TRIM5: variants seen among roughly 807,000 people sequenced by gnomAD.
TRIM5 encodes tripartite motif containing 5.
Under a neutral mutation model 35.6 loss-of-function variants are expected in TRIM5, and 31 were observed. That is an observed-to-expected ratio of 0.87 (90% CI 0.65 to 1.18). TRIM5 has a LOEUF of 1.18. TRIM5 is among the 50% of genes most tolerant of loss of function. TRIM5 has a pLI of 0.00. For synonymous variants in TRIM5, 243 were observed against 215.6 expected (o/e 1.13, Z -1.11); for missense variants, 609 against 591.6 (o/e 1.03, Z -0.31).
the TRIM5 span, among the ~76,000 whole-genome samples, chr11:5,592,914 C>CAAAAAAAAAAAAAAA: frequency 6.0e-5 from 4 of 67,140 alleles, no homozygotes; most frequent in African/African-American, 1.3e-4. Context: ...GAGATTGTCT[C>CAAAAAAAAAAAAAAA]AAAAAAAAAA....
At chr11:5,639,117 C>G in the TRIM5 span, among the ~76,000 whole-genome samples, 9 of 152,116 alleles carry the variant, frequency 5.9e-5, no homozygotes, top group African/African-American at 2.2e-4. Context: ...TTCGATCAGA[C>G]TTTAAGGTAT....
chr11:5,657,458 T>G, the TRIM5 span, among the ~76,000 whole-genome samples: 1 of 142,612 alleles, frequency 7.0e-6, no homozygotes, highest in East Asian at 2.0e-4. Context: ...TTAAAGTGTA[T>G]ATATATATAA....
At chr11:5,649,812 T>G in the TRIM5 span, among the ~76,000 whole-genome samples, 1 of 152,124 alleles carries the variant, frequency 6.6e-6, no homozygotes, top group Non-Finnish European at 1.5e-5. Flanking sequence ...ATCCTAGTCA[T>G]GGGAAAAATA....
At chr11:5,645,761 C>A in the TRIM5 span, 1 of 211,964 alleles carries the variant, frequency 4.7e-6, no homozygotes. Context: ...CACTTTTGCT[C>A]ATTGTATGTT....
rs1850989190 is a variant in TRIM5, at chr11:5,664,675, A to C, written c.*134T>G. 8.4e-6 allele frequency: 12 copies of C among 1,432,918 alleles called. No individual in the cohort carries two copies. Among genetic ancestry groups the C allele is most frequent in the Non-Finnish European group, 1.0e-5 (11 of 1,097,694 alleles). 88.8% of individuals were successfully genotyped at this position (1,432,918 alleles called of 1,614,324 possible). ...AGGCAATTATTACATTTTACTGATGAGTGAAGGACGTTCAAATAGAAAGAA... is the reference window on the plus strand; with the variant it reads ...AGGCAATTATTACATTTTACTGATGCGTGAAGGACGTTCAAATAGAAAGAA... On this transcript the variant is annotated 3_prime_UTR_variant, in exon 8 of 8. Coordinates refer to ENST00000380034, the MANE Select transcript of TRIM5 (RefSeq NM_033034.3).
the TRIM5 span, chr11:5,611,447 GT>G: frequency 1.8e-6 from 2 of 1,093,502 alleles, no homozygotes; most frequent in South Asian, 1.6e-5. Flanking sequence ...TTCTTTTGTT[GT>G]TTTTTGGTTT....
intron 3 of TRIM5, among the ~76,000 whole-genome samples, chr11:5,678,638 A>G (rs1259522125): frequency 1.3e-5 from 2 of 152,194 alleles, no homozygotes; most frequent in Non-Finnish European, 2.9e-5. Flanking sequence ...ATTGAGGTTC[A>G]TCCTGCATCA....
At chr11:5,651,495 A>G in the TRIM5 span, among the ~76,000 whole-genome samples, 10 of 152,218 alleles carry the variant, frequency 6.6e-5, no homozygotes, top group Admixed American at 6.5e-4. Flanking sequence ...AAGAACATCT[A>G]GCATTCCATG....
the TRIM5 span, among the ~76,000 whole-genome samples, chr11:5,635,517 A>G: frequency 6.6e-6 from 1 of 152,084 alleles, no homozygotes; most frequent in African/African-American, 2.4e-5. Context: ...CGGCCTTCCA[A>G]AATGCTGGGA....
the TRIM5 span, chr11:5,610,607 C>T: frequency 2.5e-6 from 4 of 1,597,182 alleles, no homozygotes; most frequent in South Asian, 1.1e-5. Context: ...TTCTGATCTC[C>T]TTTCACATGC....
chr11:5,592,054 G>A, the TRIM5 span, among the ~76,000 whole-genome samples: 2 of 152,138 alleles, frequency 1.3e-5, no homozygotes, highest in Non-Finnish European at 2.9e-5. Flanking sequence ...TATAGTTAAT[G>A]TTAGGACTTT....
At chr11:5,603,135 C>A in the TRIM5 span, 1 of 1,495,856 alleles carries the variant, frequency 6.7e-7, no homozygotes, top group Non-Finnish European at 8.9e-7. Context: ...GAATGAGAAG[C>A]CCTTGTTACC....
At chr11:5,612,354 T>G in the TRIM5 span, 2 of 152,192 alleles carry the variant, frequency 1.3e-5, no homozygotes, top group African/African-American at 4.8e-5. Context: ...GAGTCTTCAC[T>G]ACAATCTTCA....
chr11:5,602,671 T>A, the TRIM5 span, among the ~76,000 whole-genome samples: 1 of 150,560 alleles, frequency 6.6e-6, no homozygotes, highest in East Asian at 2.0e-4. Context: ...GGTCACACAG[T>A]CTCCAGGTGC....
the TRIM5 span, among the ~76,000 whole-genome samples, chr11:5,609,028 T>C: frequency 6.6e-6 from 1 of 151,994 alleles, no homozygotes; most frequent in Admixed American, 6.6e-5. Context: ...TAAGTTTTTC[T>C]TTCTCCCAGG....
rs773329708 is a variant in TRIM5, at chr11:5,665,191, T to G, written c.1100A>C (p.Lys367Thr). 1.2e-6 allele frequency: 2 copies of G among 1,614,016 alleles called. No individual in the cohort carries two copies. Among genetic ancestry groups the G allele is most frequent in the Non-Finnish European group, 1.7e-6 (2 of 1,180,020 alleles). ...TACCCCCAGGATCCAAGCAGTTTTC[T>G]TGGACACGTCTACCTCCCAGTAATG... ...GKHYWEVDVS[K>T]KTAWILGVCA... is the part of the protein sequence containing the mutation. Residue 367 changes from lysine (K) to threonine (T), a missense_variant, in exon 8 of 8, where the codon AAG becomes ACG. By Grantham distance (78) the Lys-to-Thr change is moderately conservative (BLOSUM62 -1). Transcript: ENST00000380034.
chr11:5,644,697 G>A, the TRIM5 span, among the ~76,000 whole-genome samples: 10 of 152,090 alleles, frequency 6.6e-5, no homozygotes, highest in African/African-American at 1.4e-4. Flanking sequence ...GTGTCGGGGG[G>A]GTGGTGGTTA....
At chr11:5,643,934 C>G in the TRIM5 span, 3 of 582,704 alleles carry the variant, frequency 5.1e-6, no homozygotes, top group African/African-American at 1.9e-5. Flanking sequence ...CCTAAAGACA[C>G]AGCAGTATGG....
the TRIM5 span, among the ~76,000 whole-genome samples, chr11:5,631,069 T>C: frequency 6.6e-6 from 1 of 152,192 alleles, no homozygotes; most frequent in Middle Eastern, 3.2e-3. Flanking sequence ...CCTTGCTATT[T>C]CTATTCCTCG....
Sources: gnomAD v4.1 joint callset for allele counts (sites outside exome capture counted in the v4.1 genomes callset) on GRCh38, gnomAD v4.1.1 for gene constraint, MANE v1.5 for transcripts, NCBI Gene and HGNC (gene_info 2026-07-23, HGNC 2026-07-21) for gene names.